NME7: variants seen among roughly 807,000 people sequenced by gnomAD.
The protein encoded by NME7 is nucleoside diphosphate kinase 7.
Under a neutral mutation model 49.1 loss-of-function variants are expected in NME7, and 41 were observed. That is an observed-to-expected ratio of 0.83 (90% CI 0.65 to 1.08). NME7 has a LOEUF of 1.08. Among genes scored for constraint, NME7 ranks in the 50% least tolerant of loss-of-function variants. NME7 has a pLI of 0.00. For missense variants in NME7, 423 were observed against 463.4 expected (o/e 0.91, Z 0.80); for synonymous variants, 139 against 150.6 (o/e 0.92, Z 0.56).
At chr1:169,214,472 G>T (rs920231048) in intron 10 of NME7, among the ~76,000 whole-genome samples, 7 of 152,114 alleles carry the variant, frequency 4.6e-5, no homozygotes, top group African/African-American at 1.7e-4. Flanking sequence ...ATGATAATAG[G>T]TCCAAGTTAT....
intron 10 of NME7, among the ~76,000 whole-genome samples, chr1:169,222,831 A>C (rs1044836733): frequency 5.3e-5 from 8 of 152,222 alleles, no homozygotes; most frequent in Non-Finnish European, 4.4e-5. Flanking sequence ...GACTACAGAT[A>C]ATTTGTTTTT....
intron 3 of NME7, among the ~76,000 whole-genome samples, chr1:169,322,892 G>A (rs572273770): frequency 2.0e-4 from 31 of 152,112 alleles, no homozygotes; most frequent in Non-Finnish European, 3.5e-4. Context: ...GGATGGAGAT[G>A]TGCTAAGTGC....
chr1:169,244,429 C>T (rs1047611343), intron 7 of NME7, among the ~76,000 whole-genome samples: 3 of 151,400 alleles, frequency 2.0e-5, no homozygotes, highest in Admixed American at 6.6e-5. Flanking sequence ...ATCAGGAGAT[C>T]GAGACCATCC....
chr1:169,223,795 A>C (rs1661217320), intron 10 of NME7, among the ~76,000 whole-genome samples: 1 of 152,100 alleles, frequency 6.6e-6, no homozygotes, highest in African/African-American at 2.4e-5. Flanking sequence ...ATAGAGAGAG[A>C]GAGAGAGAGA....
At chr1:169,190,957 C>T (rs1267344089) in intron 10 of NME7, among the ~76,000 whole-genome samples, 1 of 113,058 alleles carries the variant, frequency 8.8e-6, no homozygotes, top group Non-Finnish European at 1.9e-5. Flanking sequence ...GGACTACAGG[C>T]GCCCGCCACT....
intron 3 of NME7, among the ~76,000 whole-genome samples, chr1:169,316,734 T>C (rs1651643586): frequency 6.6e-6 from 1 of 152,168 alleles, no homozygotes; most frequent in Non-Finnish European, 1.5e-5. Context: ...GGAATGTGGA[T>C]GGCTTCAAGA....
rs146513841 is a variant in NME7 at position 169,227,256 on chromosome 1, T to C, written c.990+3462A>G. 4.7e-4 allele frequency among the ~76,000 whole-genome samples: 71 copies of C among 152,290 alleles called. 1 individual carries two copies. In the East Asian group the frequency reaches 8.5e-3, roughly 18 times the overall value. On this transcript the variant is annotated intron_variant, in intron 10 of 11. Coordinates refer to ENST00000367811, the MANE Select transcript of NME7 (RefSeq NM_013330.5). The stretch of plus-strand genomic sequence containing the variant: ...CGCTGAACATTAGTTCCAGCAGTAA[T>C]AAAGAGCTTGCTGTAGCCCCAAAGT...
At chr1:169,263,999 T>C (rs940736576) in intron 7 of NME7, among the ~76,000 whole-genome samples, 1 of 133,524 alleles carries the variant, frequency 7.5e-6, no homozygotes, top group African/African-American at 2.5e-5. Context: ...CCAGTCAAAC[T>C]AAGCTTCAAA....
chr1:169,228,671 G>A (rs1369238306), intron 10 of NME7, among the ~76,000 whole-genome samples: 2 of 132,650 alleles, frequency 1.5e-5, no homozygotes, highest in Non-Finnish European at 3.1e-5. Context: ...GCGACAGAGC[G>A]AGACTCCGTC....
rs754594321 is a variant in NME7, at chr1:169,237,624, A to G, written c.818T>C (p.Met273Thr). 7 of 1,607,490 alleles carry G rather than the reference A, an allele frequency of 4.4e-6. No individual in the cohort carries two copies. The highest frequency in any genetic ancestry group is 6.0e-6 in the Non-Finnish European group (7 of 1,174,902). ...TATGGTTCATTGTAAACTACCTACC[A>G]TCTGCATAGCTGAGATTTCAAAACC... ...DAGFEISAMQ[M>T]FNMDRVNVEE... The change falls in exon 8 of 12, where the codon ATG (methionine) becomes ACG (threonine). Residue 273 changes from methionine to threonine, a missense_variant and splice_region_variant. Met to Thr is a moderately conservative substitution (Grantham distance 81). Coordinates refer to ENST00000367811, the MANE Select transcript of NME7 (RefSeq NM_013330.5).
intron 1 of NME7, among the ~76,000 whole-genome samples, chr1:169,343,374 T>A (rs1557832141): frequency 6.6e-6 from 1 of 152,128 alleles, no homozygotes. Flanking sequence ...CTACTCCTCA[T>A]TGAATGGTAT....
intron 10 of NME7, among the ~76,000 whole-genome samples, chr1:169,223,507 A>C (rs1244976891): frequency 6.6e-6 from 1 of 152,160 alleles, no homozygotes; most frequent in Non-Finnish European, 1.5e-5. Flanking sequence ...TGTTGCTATC[A>C]TGATTTACTT....
intron 6 of NME7, among the ~76,000 whole-genome samples, chr1:169,289,338 T>C (rs955104823): frequency 6.6e-6 from 1 of 152,314 alleles, no homozygotes. Flanking sequence ...AGTCCATCTT[T>C]ATTACTTGTT....
At chr1:169,245,121 T>G (rs1275645672) in intron 7 of NME7, among the ~76,000 whole-genome samples, 1 of 152,110 alleles carries the variant, frequency 6.6e-6, no homozygotes, top group African/African-American at 2.4e-5. Flanking sequence ...AGAACAAGAT[T>G]CTGTCTCAGA....
intron 7 of NME7, among the ~76,000 whole-genome samples, chr1:169,282,611 C>T (rs577615904): frequency 3.1e-4 from 47 of 152,260 alleles, no homozygotes; most frequent in African/African-American, 1.0e-3. Context: ...CATCTAAAGA[C>T]TACTTTAAAT....
At chr1:169,358,438 T>C (rs572297617) in intron 1 of NME7, among the ~76,000 whole-genome samples, 8 of 152,178 alleles carry the variant, frequency 5.3e-5, no homozygotes, top group South Asian at 2.1e-4. Context: ...GATTTCTAGC[T>C]CTACATCAGT....
chr1:169,327,308 T>A lies in NME7; in HGVS notation c.4-2808A>T, dbSNP rs1226850337. On this transcript the variant is annotated intron_variant, in intron 1 of 11. Coordinates refer to ENST00000367811, the MANE Select transcript of NME7 (RefSeq NM_013330.5). Reference sequence around the variant, plus strand: ...GTACTTTATGAGGAACATTTAAAGATTACACTGCATCAAAAAGAGACTTTC... The same window carrying A: ...GTACTTTATGAGGAACATTTAAAGAATACACTGCATCAAAAAGAGACTTTC... 3.3e-5 allele frequency among the ~76,000 whole-genome samples: 5 copies of A among 152,326 alleles called. No homozygotes were observed. In the South Asian group the frequency reaches 1.0e-3, roughly 32 times the overall value.
intron 10 of NME7, chr1:169,190,578 G>A (rs1171667072): frequency 5.0e-6 from 2 of 401,216 alleles, no homozygotes; most frequent in African/African-American, 4.3e-5. Flanking sequence ...TAGTAATTAG[G>A]AAGAAAACAA....
intron 10 of NME7, among the ~76,000 whole-genome samples, chr1:169,200,769 A>G (rs566026630): frequency 2.6e-5 from 4 of 152,214 alleles, no homozygotes; most frequent in Admixed American, 2.6e-4. Context: ...GCTCTTGCCC[A>G]TATTTCCCCC....
Sources: gnomAD v4.1 joint callset for allele counts (sites outside exome capture counted in the v4.1 genomes callset) on GRCh38, gnomAD v4.1.1 for gene constraint, MANE v1.5 for transcripts, NCBI Gene and HGNC (gene_info 2026-07-23, HGNC 2026-07-21) for gene names.